Variants in MALT1 observed in about 807,000 individuals in gnomAD.
The protein encoded by MALT1 is MALT1 paracaspase.
In MALT1, 36 loss-of-function variants were observed where a neutral mutation model predicts 85.5. The ratio of observed to expected loss-of-function variants is 0.42; its 90% CI spans 0.32 to 0.56. The LOEUF (loss-of-function observed/expected upper bound fraction) is 0.56, where lower values mean the gene tolerates loss of function less well. Among genes scored for constraint, MALT1 ranks in the 20% least tolerant of loss-of-function variants. The pLI is 0.10. For synonymous variants in MALT1, 359 were observed against 361.3 expected, an observed-to-expected ratio of 0.99 and a Z score of 0.07; for missense variants, 716 against 981.6, an observed-to-expected ratio of 0.73 and a Z score of 3.62.
Position 58,671,498 on chromosome 18 carries a change from C to T in MALT1, c.-146C>T. Reference sequence around the variant, plus strand: ...CTAATTGGGGCGGGGAGCGGAGCTTCCTCCTCTGAGGGCCGTGCCGCGCTG... The same window carrying T: ...CTAATTGGGGCGGGGAGCGGAGCTTTCTCCTCTGAGGGCCGTGCCGCGCTG... On this transcript the variant is annotated 5_prime_UTR_variant, in exon 1 of 17. Coordinates refer to ENST00000649217, the MANE Select transcript of MALT1 (RefSeq NM_006785.4). 2.2e-6 allele frequency: 1 copy of T among 459,870 alleles called. No individual in the cohort carries two copies. Among genetic ancestry groups the T allele is most frequent in the Admixed American group, 4.6e-5 (1 of 21,556 alleles). The allele number at this position is 459,870 out of a possible 1,614,324, so 28.5% of individuals were successfully genotyped here.
chr18:58,703,987 C>T (rs1250595728), intron 4 of MALT1, among the ~76,000 whole-genome samples: 1 of 152,146 alleles, frequency 6.6e-6, no homozygotes, highest in African/African-American at 2.4e-5. Context: ...AAAATTTACT[C>T]ATGTTGTTCA....
chr18:58,695,089 G>T (rs543759153), intron 2 of MALT1, among the ~76,000 whole-genome samples: 1 of 152,232 alleles, frequency 6.6e-6, no homozygotes, highest in African/African-American at 2.4e-5. Context: ...TTCCCTGCCC[G>T]CACCTTCTTC....
intron 13 of MALT1, among the ~76,000 whole-genome samples, chr18:58,739,724 A>G (rs950287150): frequency 6.6e-5 from 10 of 152,158 alleles, no homozygotes; most frequent in African/African-American, 2.2e-4. Flanking sequence ...GCCTGCCTGC[A>G]GGTTTCAGAC....
Position 58,747,939 on chromosome 18 carries a change from T to G in MALT1, c.*97T>G, listed in dbSNP as rs1568159535. 1.1e-6 allele frequency: 1 copy of G among 900,054 alleles called. No individual in the cohort carries two copies. Among genetic ancestry groups the G allele is most frequent in the Non-Finnish European group, 1.7e-6 (1 of 576,672 alleles). 55.8% of individuals were successfully genotyped at this position (900,054 alleles called of 1,614,324 possible). ...CATTGTGAAAAGGCAAATTTGTATA[T>G]GTAGAGAAAGAATAGTAGTAACTGT... is the stretch of plus-strand genomic sequence containing the variant. On this transcript the variant is annotated 3_prime_UTR_variant, in exon 17 of 17. Transcript: ENST00000649217.
chr18:58,727,616 G>GTTTTTTTTTTTTTTTTTTTTT lies in MALT1; in HGVS notation c.1222+4376_1222+4377insTTTTTTTTTTTTTTTTTTTTT, dbSNP rs751434443. Among the ~76,000 whole-genome samples, 104 of 121,230 alleles carry GTTTTTTTTTTTTTTTTTTTTT rather than the reference G, an allele frequency of 8.6e-4. 6 individuals are homozygous for GTTTTTTTTTTTTTTTTTTTTT. Among genetic ancestry groups the GTTTTTTTTTTTTTTTTTTTTT allele is most frequent in the African/African-American group, 2.5e-3 (76 of 30,632 alleles). The allele number at this position is 121,230 out of a possible 152,430, so 79.5% of individuals were successfully genotyped here. On this transcript the variant is annotated intron_variant, in intron 10 of 16. Coordinates refer to ENST00000649217, the MANE Select transcript of MALT1 (RefSeq NM_006785.4). Reference sequence around the variant, plus strand: ...ACCCAGCCTGCCAAAGGTTTTTTGTGTTTTTTTTTTTGTTTTTTTTTTTTT... The same window carrying GTTTTTTTTTTTTTTTTTTTTT: ...ACCCAGCCTGCCAAAGGTTTTTTGTGTTTTTTTTTTTTTTTTTTTTTTTTTTTTTTTTGTTTTTTTTTTTTT...
In MALT1 at chr18:58,752,373, AT is replaced by A; in HGVS notation, c.*4532del. 6.6e-6 allele frequency: 1 copy of A among 152,172 alleles called. No homozygotes were observed. Among genetic ancestry groups the A allele is most frequent in the East Asian group, 1.9e-4 (1 of 5,200 alleles). 9.4% of individuals were successfully genotyped at this position (152,172 alleles called of 1,614,324 possible). On this transcript the variant is annotated 3_prime_UTR_variant, in exon 17 of 17. Coordinates refer to ENST00000649217, the MANE Select transcript of MALT1 (RefSeq NM_006785.4). ...TTCCTTGAACATTCACCTGACGCTT[AT>A]ATACTGTCATTACTTTTATCTGTCA... is the stretch of plus-strand genomic sequence containing the variant.
intron 4 of MALT1, among the ~76,000 whole-genome samples, chr18:58,701,281 C>T (rs568974982): frequency 6.6e-5 from 10 of 152,278 alleles, no homozygotes; most frequent in East Asian, 1.9e-4. Flanking sequence ...TATTCAACTT[C>T]GTTTCTCCCT....
chr18:58,674,869 C>CT (rs903109053), intron 1 of MALT1, among the ~76,000 whole-genome samples: 21 of 152,164 alleles, frequency 1.4e-4, no homozygotes, highest in African/African-American at 4.3e-4. Context: ...CTTCTCTTCA[C>CT]TTTTTTTTCT....
chr18:58,723,506 A>AT lies in MALT1; in HGVS notation c.1222+264dup, dbSNP rs533201247. Reference sequence around the variant, plus strand: ...CTAGAATTCTTACCTGTCTTTTGTGATTTTTTTTTAATTGATAGAGCCACA... The same window carrying AT: ...CTAGAATTCTTACCTGTCTTTTGTGATTTTTTTTTTAATTGATAGAGCCACA... On this transcript the variant is annotated intron_variant, in intron 10 of 16. Coordinates refer to ENST00000649217, the MANE Select transcript of MALT1 (RefSeq NM_006785.4). Among the ~76,000 whole-genome samples the AT allele has an allele frequency of 3.7e-3, 564 of 151,234 alleles. 17 individuals are homozygous for AT. The East Asian group carries it at 0.065, about 17-fold the overall frequency.
Position 58,747,765 on chromosome 18 carries a change from A to G in MALT1, c.2398A>G (p.Arg800Gly). The change falls in exon 17 of 17, where the codon AGA (arginine) becomes GGA (glycine). Residue 800 changes from arginine to glycine, a missense_variant. Transcript: ENST00000649217. Reference sequence around the variant, plus strand: ...TCACCATGCTTCATGTCATTTTAGTAGAAGTAATGTGCCAGTAGAGACAAC... The same window carrying G: ...TCACCATGCTTCATGTCATTTTAGTGGAAGTAATGTGCCAGTAGAGACAAC... ...FAHHASCHFS[R>G]SNVPVETTDE... 1 of 1,614,114 alleles carries G rather than the reference A, an allele frequency of 6.2e-7. No individual in the cohort carries two copies. Among genetic ancestry groups the G allele is most frequent in the Non-Finnish European group, 8.5e-7 (1 of 1,179,944 alleles).
chr18:58,732,767 T>G (rs572729984), intron 10 of MALT1, among the ~76,000 whole-genome samples: 47 of 122,842 alleles, frequency 3.8e-4, no homozygotes, highest in African/African-American at 2.0e-3. Context: ...AGCTGCATTC[T>G]TTTTTATATA....
At position 58,700,609 on chromosome 18, in the gene MALT1, C is replaced by G. The variant is rs201632195; in HGVS notation, c.649+18C>G. 22 of 1,572,100 alleles carry G rather than the reference C, an allele frequency of 1.4e-5. No homozygotes were observed. In the East Asian group the frequency reaches 5.0e-4, roughly 36 times the overall value. ...CTTCCAGAGTAAGTAACGAAAGAAG[C>G]TGAATGTTGGGATGGGGATTCCCCA... is the stretch of plus-strand genomic sequence containing the variant. On this transcript the variant is annotated intron_variant, in intron 4 of 16. Coordinates refer to ENST00000649217, the MANE Select transcript of MALT1 (RefSeq NM_006785.4).
intron 7 of MALT1, 61 bp from the exon 8 acceptor site, chr18:58,714,022 T>TA (rs2054867430): frequency 2.5e-6 from 2 of 797,310 alleles, no homozygotes. Flanking sequence ...GGATTAGTCT[T>TA]ACTATTTGTG....
chr18:58,705,040 C>T (rs543638731), intron 4 of MALT1, among the ~76,000 whole-genome samples: 10 of 151,500 alleles, frequency 6.6e-5, no homozygotes, highest in South Asian at 2.1e-4. Context: ...CCACCGCGCC[C>T]GGCCAAAAAA....
chr18:58,741,937 C>T lies in MALT1; in HGVS notation c.1676C>T (p.Ala559Val). 1 of 1,572,658 alleles carries T rather than the reference C, an allele frequency of 6.4e-7. No individual in the cohort carries two copies. Among genetic ancestry groups the T allele is most frequent in the Non-Finnish European group, 8.7e-7 (1 of 1,149,726 alleles). The change falls in exon 14 of 17, where the codon GCA (alanine) becomes GTA (valine). Residue 559 changes from alanine (A) to valine (V), a missense_variant. This residue lies in a region of MALT1 where 260 missense variants were observed against 323.7 expected (regional missense o/e 0.80). Coordinates refer to ENST00000649217, the MANE Select transcript of MALT1 (RefSeq NM_006785.4). ...CGAAGTAGTTTATCTGAGAAGAGAG[C>T]ACTTACTGATCCAATACAGGGAACA... ...EIRSSLSEKR[A>V]LTDPIQGTEY... is the part of the protein sequence containing the mutation.
At chr18:58,692,441 TCTCCCTCCCTCCCTCC>T (rs34461599) in intron 2 of MALT1, among the ~76,000 whole-genome samples, 12 of 119,552 alleles carry the variant, frequency 1.0e-4, no homozygotes, top group Middle Eastern at 3.5e-3. Context: ...TCTCTCACTC[TCTCCCTCCCTCCCTCC>T]CTCCCTCCCT....
chr18:58,686,454 C>T (rs1190821709), intron 2 of MALT1, among the ~76,000 whole-genome samples: 1 of 152,212 alleles, frequency 6.6e-6, no homozygotes, highest in Non-Finnish European at 1.5e-5. Context: ...ATGGGCAGAG[C>T]AGAGGCTGAA....
chr18:58,695,837 T>C (rs1240593505), intron 2 of MALT1, among the ~76,000 whole-genome samples: 3 of 152,196 alleles, frequency 2.0e-5, no homozygotes, highest in Admixed American at 6.5e-5. Context: ...CATTGTTACA[T>C]TGGGGATTCA....
chr18:58,705,331 TTTA>T (rs202109815), intron 4 of MALT1, among the ~76,000 whole-genome samples: 2,790 of 152,046 alleles, frequency 0.018, 33 homozygotes, highest in Middle Eastern at 0.031. Context: ...TGTATTTATT[TTTA>T]TTATTATACT....
Sources: allele counts gnomAD v4.1 joint callset (sites outside exome capture counted in the v4.1 genomes callset), GRCh38; gene constraint gnomAD v4.1.1; regional missense constraint gnomAD v4.1.1; transcripts MANE v1.5; gene names NCBI Gene and HGNC (gene_info 2026-07-23, HGNC 2026-07-21).